The following PPP1R9A variants were observed in gnomAD, a reference collection of about 807,000 sequenced individuals.
PPP1R9A encodes neurabin-1.
PPP1R9A carries 59 observed loss-of-function variants against 141.9 expected under a neutral mutation model. The observed-to-expected ratio is 0.42, with a 90% CI of 0.34 to 0.52. The LOEUF (loss-of-function observed/expected upper bound fraction) is 0.52, where lower values mean the gene tolerates loss of function less well. Among genes scored for constraint, PPP1R9A ranks in the 20% least tolerant of loss-of-function variants. PPP1R9A has a pLI of 0.10. For missense variants in PPP1R9A, 1,444 were observed against 1,611.9 expected, an observed-to-expected ratio of 0.90 and a Z score of 1.78; for synonymous variants, 500 against 569.7, an observed-to-expected ratio of 0.88 and a Z score of 1.74.
intron 3 of PPP1R9A, among the ~76,000 whole-genome samples, chr7:95,114,944 A>T (rs953921011): frequency 6.6e-6 from 1 of 151,956 alleles, no homozygotes; most frequent in Non-Finnish European, 1.5e-5. Context: ...ACTCAGAGGA[A>T]AAGCTATATC....
At chr7:94,925,985 C>G (rs1418616980) in intron 2 of PPP1R9A, among the ~76,000 whole-genome samples, 1 of 151,878 alleles carries the variant, frequency 6.6e-6, no homozygotes, top group African/African-American at 2.4e-5. Context: ...GCTGCCATGC[C>G]CAGCTAATTT....
chr7:94,959,799 T>A (rs1797423476), intron 2 of PPP1R9A, among the ~76,000 whole-genome samples: 1 of 151,746 alleles, frequency 6.6e-6, no homozygotes, highest in Admixed American at 6.6e-5. Context: ...ATGATTGGTT[T>A]TGTTATTATA....
At position 95,225,251 on chromosome 7, in the gene PPP1R9A, TATC is replaced by T. The variant is rs532854914; in HGVS notation, c.1957-707_1957-705del. Among the ~76,000 whole-genome samples the T allele has an allele frequency of 2.0e-4, 31 of 152,256 alleles. No individual in the cohort carries two copies. The East Asian group carries it at 5.8e-3, about 28-fold the overall frequency. On this transcript the variant is annotated intron_variant, in intron 7 of 19. Coordinates refer to ENST00000433360, the MANE Select transcript of PPP1R9A (RefSeq NM_001166160.2). Reference sequence around the variant, plus strand: ...CAACCACTACTAACTGGCCAATTGTTATCATGTCCCAATATGCCTAATATTAAC... The same window carrying T: ...CAACCACTACTAACTGGCCAATTGTTATGTCCCAATATGCCTAATATTAAC...
chr7:95,099,950 A>G (rs1330305894), intron 2 of PPP1R9A, among the ~76,000 whole-genome samples: 1 of 151,000 alleles, frequency 6.6e-6, no homozygotes, highest in Non-Finnish European at 1.5e-5. Context: ...TGTGACCTTA[A>G]TAAAACTCTG....
intron 2 of PPP1R9A, among the ~76,000 whole-genome samples, chr7:94,937,756 A>G (rs1794920558): frequency 6.6e-6 from 1 of 152,124 alleles, no homozygotes; most frequent in African/African-American, 2.4e-5. Context: ...GTTTGAAAGC[A>G]TCTTCTCTGT....
chr7:95,029,902 G>GT (rs552701325), intron 2 of PPP1R9A, among the ~76,000 whole-genome samples: 49 of 152,300 alleles, frequency 3.2e-4, no homozygotes, highest in African/African-American at 1.0e-3. Context: ...CATTTACTAA[G>GT]TTTACATGTT....
intron 12 of PPP1R9A, among the ~76,000 whole-genome samples, chr7:95,254,791 C>T (rs1464603110): frequency 1.3e-5 from 2 of 152,160 alleles, no homozygotes; most frequent in African/African-American, 4.8e-5. Context: ...AATGATGTGA[C>T]TCTTAATATT....
At chr7:94,941,931 CT>C (rs1563023639) in intron 2 of PPP1R9A, among the ~76,000 whole-genome samples, 1 of 151,862 alleles carries the variant, frequency 6.6e-6, no homozygotes. Context: ...GCCAAAGTTT[CT>C]TTTTTGGTCC....
chr7:95,086,593 A>AT (rs938711371), intron 2 of PPP1R9A, among the ~76,000 whole-genome samples: 7 of 151,988 alleles, frequency 4.6e-5, no homozygotes, highest in African/African-American at 1.7e-4. Context: ...TCAGTTCTAA[A>AT]TTCTAGAATG....
intron 2 of PPP1R9A, among the ~76,000 whole-genome samples, chr7:95,040,010 C>T (rs190872330): frequency 5.3e-4 from 80 of 152,134 alleles, no homozygotes; most frequent in Admixed American, 1.6e-3. Context: ...AAATCAAAGA[C>T]GGAGAAGATC....
intron 2 of PPP1R9A, among the ~76,000 whole-genome samples, chr7:94,994,677 C>T (rs1446260679): frequency 1.3e-5 from 2 of 151,936 alleles, no homozygotes; most frequent in African/African-American, 2.4e-5. Context: ...AGACGGATCA[C>T]GAGGTCAAGA....
chr7:95,040,231 A>G (rs1211191446), intron 2 of PPP1R9A, among the ~76,000 whole-genome samples: 1 of 152,168 alleles, frequency 6.6e-6, no homozygotes, highest in Non-Finnish European at 1.5e-5. Context: ...TCCCCCAGTC[A>G]AATAACTAAA....
At chr7:95,088,312 G>A (rs1816900484) in intron 2 of PPP1R9A, among the ~76,000 whole-genome samples, 1 of 151,920 alleles carries the variant, frequency 6.6e-6, no homozygotes, top group Admixed American at 6.6e-5. Flanking sequence ...GAATATATTG[G>A]ACCTCAACCT....
rs1834013819 is a variant in PPP1R9A, at chr7:95,182,545, T to C, written c.1755-15804T>C. ...ATCATTTCATTGTTTTTGTTGCCAC[T>C]ATAGTACAAGGGGCAATTGAGAATT... On this transcript the variant is annotated intron_variant, in intron 5 of 19. Coordinates refer to ENST00000433360, the MANE Select transcript of PPP1R9A (RefSeq NM_001166160.2). Among the ~76,000 whole-genome samples, 3 of 152,340 alleles carry C rather than the reference T, an allele frequency of 2.0e-5. No homozygotes were observed. In the South Asian group the frequency reaches 6.2e-4, roughly 32 times the overall value.
intron 2 of PPP1R9A, among the ~76,000 whole-genome samples, chr7:95,015,227 T>TAC (rs71537250): frequency 2.3e-3 from 346 of 149,098 alleles, no homozygotes; most frequent in Non-Finnish European, 3.0e-3. Context: ...AATATATATA[T>TAC]ACACACACAC....
At position 95,004,546 on chromosome 7, in the gene PPP1R9A, T is replaced by C. The variant is rs1180514858; in HGVS notation, c.1395+93038T>C. Among the ~76,000 whole-genome samples the C allele has an allele frequency of 2.0e-5, 3 of 152,192 alleles. No individual in the cohort carries two copies. The East Asian group carries it at 5.8e-4, about 29-fold the overall frequency. On this transcript the variant is annotated intron_variant, in intron 2 of 19. Coordinates refer to ENST00000433360, the MANE Select transcript of PPP1R9A (RefSeq NM_001166160.2). Reference sequence around the variant, plus strand: ...TGAGTTCCATGTATATGGAGCTGCTTAAAGACTCTGAAAAGAATAGGAATG... The same window carrying C: ...TGAGTTCCATGTATATGGAGCTGCTCAAAGACTCTGAAAAGAATAGGAATG...
At chr7:94,969,561 TC>T (rs1409874966) in intron 2 of PPP1R9A, among the ~76,000 whole-genome samples, 1 of 152,088 alleles carries the variant, frequency 6.6e-6, no homozygotes, top group Non-Finnish European at 1.5e-5. Context: ...GTCAGATCTC[TC>T]CTGTATGAGG....
At chr7:95,086,042 A>G (rs1446346205) in intron 2 of PPP1R9A, among the ~76,000 whole-genome samples, 3 of 151,782 alleles carry the variant, frequency 2.0e-5, no homozygotes, top group Non-Finnish European at 2.9e-5. Flanking sequence ...ATTTTATGTA[A>G]GTAACCAATT....
chr7:95,180,503 C>T (rs543569663), intron 5 of PPP1R9A, among the ~76,000 whole-genome samples: 186 of 152,068 alleles, frequency 1.2e-3, no homozygotes, highest in Admixed American at 2.0e-3. Flanking sequence ...AAAGCAAATG[C>T]AATAAAAACG....
Sources: allele counts gnomAD v4.1 joint callset (sites outside exome capture counted in the v4.1 genomes callset), GRCh38; gene constraint gnomAD v4.1.1; transcripts MANE v1.5; gene names NCBI Gene and HGNC (gene_info 2026-07-23, HGNC 2026-07-21).